PTPRZ1: variants seen among roughly 807,000 people sequenced by gnomAD.
The protein encoded by PTPRZ1 is receptor-type tyrosine-protein phosphatase zeta.
In PTPRZ1, 82 loss-of-function variants were observed where a neutral mutation model predicts 214.1. That is an observed-to-expected ratio of 0.38 (90% CI 0.32 to 0.46). The LOEUF is 0.46. Ranked by LOEUF, PTPRZ1 falls within the 20% of genes least tolerant of loss-of-function variation. The pLI, the probability that PTPRZ1 is intolerant of heterozygous loss-of-function variation, is 1.00. For missense variants in PTPRZ1, 2,603 were observed against 2,748.7 expected, an observed-to-expected ratio of 0.95 and a Z score of 1.19; for synonymous variants, 945 against 987.9, an observed-to-expected ratio of 0.96 and a Z score of 0.81.
chr7:121,974,996 G>A (rs1797384737), intron 4 of PTPRZ1, among the ~76,000 whole-genome samples: 1 of 151,988 alleles, frequency 6.6e-6, no homozygotes. Flanking sequence ...GACTAGTCTG[G>A]GCAACATAGT....
intron 2 of PTPRZ1, among the ~76,000 whole-genome samples, chr7:121,938,186 CAACAAA>C (rs1226116841): frequency 2.0e-5 from 3 of 151,988 alleles, no homozygotes; most frequent in Non-Finnish European, 4.4e-5. Context: ...ATAACAACAA[CAACAAA>C]AAGCAGTTTT....
chr7:121,910,382 G>T (rs928885309), intron 1 of PTPRZ1, among the ~76,000 whole-genome samples: 2 of 151,976 alleles, frequency 1.3e-5, no homozygotes, highest in Non-Finnish European at 2.9e-5. Context: ...ATTTATTATG[G>T]TTTTTGTTAA....
intron 1 of PTPRZ1, among the ~76,000 whole-genome samples, chr7:121,898,025 C>T (rs935553536): frequency 6.6e-6 from 1 of 151,928 alleles, no homozygotes; most frequent in African/African-American, 2.4e-5. Context: ...AGGAAAATAA[C>T]ATCCTACCAA....
intron 3 of PTPRZ1, among the ~76,000 whole-genome samples, chr7:121,971,068 C>T (rs559362338): frequency 6.6e-6 from 1 of 152,100 alleles, no homozygotes; most frequent in East Asian, 1.9e-4. Flanking sequence ...GAATCGTTTC[C>T]CCATTTCTTG....
chr7:121,908,620 A>T, intron 1 of PTPRZ1: 1 of 387,230 alleles, frequency 2.6e-6, no homozygotes, highest in South Asian at 2.0e-5. Flanking sequence ...TTACCCTTTA[A>T]TTACAAGTAA....
intron 27 of PTPRZ1, among the ~76,000 whole-genome samples, chr7:122,055,719 A>G (rs1160281896): frequency 6.6e-6 from 1 of 151,914 alleles, no homozygotes; most frequent in Non-Finnish European, 1.5e-5. Flanking sequence ...TTATTTGTCA[A>G]TGATTATTTA....
rs1261410927 is a variant in PTPRZ1, at chr7:121,928,311, A to G, written c.124+90A>G. On this transcript the variant is annotated intron_variant, in intron 2 of 29. Coordinates refer to ENST00000393386, the MANE Select transcript of PTPRZ1 (RefSeq NM_002851.3). ...ATATAAAAGGAAGCTTTGTAGCACA[A>G]CACATCATGTCAACTTAGCTAAATG... 4.4e-5 allele frequency: 38 copies of G among 870,382 alleles called. 1 individual carries two copies. In the East Asian group the frequency reaches 7.9e-4, roughly 18 times the overall value. 53.9% of individuals were successfully genotyped at this position (870,382 alleles called of 1,614,324 possible).
chr7:121,911,326 G>T (rs568066234), intron 1 of PTPRZ1, among the ~76,000 whole-genome samples: 2 of 151,708 alleles, frequency 1.3e-5, no homozygotes, highest in African/African-American at 4.8e-5. Context: ...TTAAGCTTTC[G>T]CATAATTTAA....
At chr7:122,035,108 A>G (rs1263887459) in intron 17 of PTPRZ1, among the ~76,000 whole-genome samples, 2 of 152,022 alleles carry the variant, frequency 1.3e-5, no homozygotes, top group Admixed American at 1.3e-4. Context: ...TAAACATTCT[A>G]CTTATACCCT....
intron 1 of PTPRZ1, among the ~76,000 whole-genome samples, chr7:121,897,457 A>G (rs1794820755): frequency 6.6e-6 from 1 of 152,172 alleles, no homozygotes; most frequent in Non-Finnish European, 1.5e-5. Context: ...TTCTGCTGCC[A>G]TGGTGCTTTC....
chr7:122,000,693 A>ATG (rs1319375208), intron 10 of PTPRZ1, among the ~76,000 whole-genome samples: 19 of 70,932 alleles, frequency 2.7e-4, no homozygotes, highest in African/African-American at 7.6e-4. Flanking sequence ...ATATATATAT[A>ATG]TATATATATT....
chr7:122,038,509 C>CTT (rs140553499), intron 18 of PTPRZ1, among the ~76,000 whole-genome samples: 23 of 106,284 alleles, frequency 2.2e-4, no homozygotes, highest in South Asian at 3.1e-4. Flanking sequence ...GAGAGCTATT[C>CTT]TTTTTTTTTT....
intron 12 of PTPRZ1, among the ~76,000 whole-genome samples, chr7:122,016,913 G>A (rs114053549): frequency 2.4e-3 from 363 of 152,102 alleles, no homozygotes; most frequent in African/African-American, 7.9e-3. Flanking sequence ...TGGAGGACTC[G>A]TCAAAACACA....
At chr7:122,048,681 A>G (rs970982262) in intron 23 of PTPRZ1, among the ~76,000 whole-genome samples, 2 of 152,170 alleles carry the variant, frequency 1.3e-5, no homozygotes. Context: ...TATAATGAAA[A>G]TACACTAAAA....
intron 1 of PTPRZ1, among the ~76,000 whole-genome samples, chr7:121,876,480 G>T (rs1341042721): frequency 1.3e-5 from 2 of 152,082 alleles, no homozygotes; most frequent in Non-Finnish European, 2.9e-5. Context: ...TGCTTTAAGA[G>T]CCACATTAAC....
chr7:121,998,658 C>A (rs1325947976), intron 10 of PTPRZ1, among the ~76,000 whole-genome samples: 1 of 152,042 alleles, frequency 6.6e-6, no homozygotes, highest in East Asian at 1.9e-4. Flanking sequence ...CAAATGCTGA[C>A]CATCATAATT....
intron 1 of PTPRZ1, among the ~76,000 whole-genome samples, chr7:121,917,953 G>A (rs1483436516): frequency 6.6e-6 from 1 of 151,830 alleles, no homozygotes; most frequent in Non-Finnish European, 1.5e-5. Flanking sequence ...AATTGAAAAT[G>A]TCTTAAATCA....
intron 1 of PTPRZ1, among the ~76,000 whole-genome samples, chr7:121,912,861 G>T (rs954088997): frequency 1.3e-5 from 2 of 152,172 alleles, no homozygotes; most frequent in African/African-American, 4.8e-5. Flanking sequence ...ATCATAAAAG[G>T]AAGGATTTAG....
intron 2 of PTPRZ1, among the ~76,000 whole-genome samples, chr7:121,956,062 G>C (rs6466810): frequency 0.36 from 54,794 of 151,494 alleles, 10,098 homozygotes; most frequent in South Asian, 0.43. Context: ...GAGAGCTTCA[G>C]CATCCTCTCG....
Sources: allele counts gnomAD v4.1 joint callset (sites outside exome capture counted in the v4.1 genomes callset), GRCh38; gene constraint gnomAD v4.1.1; transcripts MANE v1.5; gene names NCBI Gene and HGNC (gene_info 2026-07-23, HGNC 2026-07-21).